Variants in DEPTOR observed in about 807,000 individuals in gnomAD.
The protein encoded by DEPTOR is DEP domain-containing mTOR-interacting protein.
Under a neutral mutation model 41.6 loss-of-function variants are expected in DEPTOR, and 41 were observed. The ratio of observed to expected loss-of-function variants is 0.98; its 90% CI spans 0.77 to 1.28. DEPTOR has a LOEUF of 1.28. Among genes scored for constraint, DEPTOR ranks in the 50% most tolerant of loss-of-function variants. The pLI is 0.00. For missense variants in DEPTOR, 514 were observed against 527.9 expected, an observed-to-expected ratio of 0.97 and a Z score of 0.26; for synonymous variants, 195 against 192.3, an observed-to-expected ratio of 1.01 and a Z score of -0.12.
At chr8:119,918,430 T>G (rs1827842270) in intron 1 of DEPTOR, among the ~76,000 whole-genome samples, 1 of 150,494 alleles carries the variant, frequency 6.6e-6, no homozygotes. Flanking sequence ...ACATTTGGCA[T>G]GGACCACCTT....
intron 1 of DEPTOR, among the ~76,000 whole-genome samples, chr8:119,877,267 T>C (rs1056845509): frequency 1.3e-5 from 2 of 152,252 alleles, no homozygotes; most frequent in African/African-American, 4.8e-5. Context: ...TCAACTGTTT[T>C]GGCACTGTAA....
At chr8:120,005,364 A>G (rs1812417106) in intron 6 of DEPTOR, among the ~76,000 whole-genome samples, 1 of 152,244 alleles carries the variant, frequency 6.6e-6, no homozygotes, top group African/African-American at 2.4e-5. Context: ...AGGTGATAAG[A>G]TCAGCAACCT....
At position 119,895,693 on chromosome 8, in the gene DEPTOR, G is replaced by A. The variant is rs141307726; in HGVS notation, c.122+21725G>A. On this transcript the variant is annotated intron_variant, in intron 1 of 8. Transcript: ENST00000286234. ...CACCCACAGCCTAGCAGATCAAGCT[G>A]AGCCTCTGAGGTCACATCCACCAAT... 3.0e-3 allele frequency among the ~76,000 whole-genome samples: 463 copies of A among 152,284 alleles called. 3 individuals are homozygous for A. Among genetic ancestry groups the A allele is most frequent in the Middle Eastern group, 0.017 (5 of 294 alleles).
chr8:119,928,341 G>T (rs1364347240), intron 1 of DEPTOR, 59 bp from the exon 2 acceptor site: 5 of 1,549,398 alleles, frequency 3.2e-6, no homozygotes, highest in Non-Finnish European at 4.4e-6. Context: ...GTCTGGGATT[G>T]GTTTAATAAT....
At chr8:119,935,999 GTTTT>G (rs67211224) in intron 3 of DEPTOR, among the ~76,000 whole-genome samples, 3 of 123,868 alleles carry the variant, frequency 2.4e-5, no homozygotes, top group Non-Finnish European at 4.9e-5. Flanking sequence ...TAGTCTAGTT[GTTTT>G]TTTTTTTTTT....
chr8:120,049,596 T>C lies in DEPTOR; in HGVS notation c.1122T>C (p.Ser374=), dbSNP rs1241065017. ...AGMKVCQFVV[S]VNGLNVLHVD... ...TTTAGGTCTGTCAGTTTGTCGTCTCTGTCAACGGGCTCAATGTCCTGCATG... is the reference window on the plus strand; with the variant it reads ...TTTAGGTCTGTCAGTTTGTCGTCTCCGTCAACGGGCTCAATGTCCTGCATG... The change falls in exon 9 of 9, where the codon TCT becomes TCC. Residue 374 remains serine, a synonymous_variant. Transcript: ENST00000286234. 6.2e-7 allele frequency: 1 copy of C among 1,613,822 alleles called. No homozygotes were observed. The highest frequency in any genetic ancestry group is 8.5e-7 in the Non-Finnish European group (1 of 1,179,796).
At chr8:119,942,472 C>G (rs1436581505) in intron 3 of DEPTOR, among the ~76,000 whole-genome samples, 1 of 152,162 alleles carries the variant, frequency 6.6e-6, no homozygotes, top group Non-Finnish European at 1.5e-5. Flanking sequence ...TCCCAAAGTG[C>G]TGGGATTACA....
intron 4 of DEPTOR, among the ~76,000 whole-genome samples, chr8:119,999,102 A>G (rs1388043616): frequency 6.6e-6 from 1 of 152,036 alleles, no homozygotes; most frequent in East Asian, 1.9e-4. Flanking sequence ...CGTCTCTACT[A>G]AAAATACAAA....
At chr8:120,036,596 G>A (rs1812982524) in intron 8 of DEPTOR, among the ~76,000 whole-genome samples, 1 of 151,990 alleles carries the variant, frequency 6.6e-6, no homozygotes, top group South Asian at 2.1e-4. Context: ...AGGTCTGTGT[G>A]CACTAGACAC....
chr8:119,972,606 GA>G lies in DEPTOR; in HGVS notation c.604+7197del, dbSNP rs373039213. On this transcript the variant is annotated intron_variant, in intron 4 of 8. Transcript: ENST00000286234. ...CCACTGCACTCCAGCCTTTGTGACAGAGTAAGACTCTGTCTCAAAAAAAAAA... is the reference window on the plus strand; with the variant it reads ...CCACTGCACTCCAGCCTTTGTGACAGGTAAGACTCTGTCTCAAAAAAAAAA... Among the ~76,000 whole-genome samples, 333 of 147,214 alleles carry G rather than the reference GA, an allele frequency of 2.3e-3. 1 individual carries two copies. The highest frequency in any genetic ancestry group is 7.7e-3 in the African/African-American group (306 of 39,818).
intron 1 of DEPTOR, among the ~76,000 whole-genome samples, chr8:119,903,044 GCA>G (rs1213925125): frequency 1.3e-5 from 2 of 152,176 alleles, no homozygotes; most frequent in Non-Finnish European, 2.9e-5. Context: ...CCAGTGCCTG[GCA>G]CAGTGCCCAA....
intron 1 of DEPTOR, among the ~76,000 whole-genome samples, chr8:119,907,448 G>A (rs1334727022): frequency 6.6e-6 from 1 of 152,154 alleles, no homozygotes; most frequent in Non-Finnish European, 1.5e-5. Flanking sequence ...TGTGGGAACA[G>A]CTTTTGCTTG....
At chr8:119,906,361 C>T (rs1224405359) in intron 1 of DEPTOR, among the ~76,000 whole-genome samples, 8 of 151,092 alleles carry the variant, frequency 5.3e-5, no homozygotes, top group African/African-American at 1.7e-4. Context: ...GAGGCTGAGG[C>T]GGGAAGATCA....
intron 3 of DEPTOR, among the ~76,000 whole-genome samples, chr8:119,960,270 T>C (rs572977757): frequency 6.6e-5 from 10 of 152,142 alleles, no homozygotes; most frequent in African/African-American, 2.2e-4. Context: ...TATACATTCA[T>C]ATACTTAGAA....
chr8:119,890,447 C>T (rs1208940737), intron 1 of DEPTOR, among the ~76,000 whole-genome samples: 8 of 152,014 alleles, frequency 5.3e-5, no homozygotes, highest in East Asian at 3.9e-4. Flanking sequence ...GGATTACATG[C>T]GCCCGCCACC....
chr8:120,038,549 C>T (rs1185264300), intron 8 of DEPTOR, among the ~76,000 whole-genome samples: 2 of 144,358 alleles, frequency 1.4e-5, no homozygotes, highest in African/African-American at 5.1e-5. Context: ...GCCAAGATCA[C>T]ACCACTGCAC....
At position 119,930,022 on chromosome 8, in the gene DEPTOR, C is replaced by T. The variant is rs980907167; in HGVS notation, c.425+84C>T. On this transcript the variant is annotated intron_variant, in intron 3 of 8. Coordinates refer to ENST00000286234, the MANE Select transcript of DEPTOR (RefSeq NM_022783.4). ...GCCAGTCTCATTATGTTGATTTCAG[C>T]GTGGCTTTTCTATGTGGGCTGGTTA... 40 of 1,465,730 alleles carry T rather than the reference C, an allele frequency of 2.7e-5. No individual in the cohort carries two copies. In the East Asian group the frequency reaches 4.5e-4, roughly 16 times the overall value. 90.8% of individuals were successfully genotyped at this position (1,465,730 alleles called of 1,614,324 possible). A position where few individuals can be genotyped will look rare whatever the true frequency, so the allele number is the denominator to read the frequency against.
intron 5 of DEPTOR, 89 bp from the exon 6 acceptor site, chr8:120,002,888 C>T (rs1339922897): frequency 2.8e-6 from 4 of 1,422,926 alleles, no homozygotes; most frequent in South Asian, 3.2e-5. Context: ...TTCTCCTGGC[C>T]CCTCTGGACC....
At chr8:119,961,215 G>C (rs116890840) in intron 3 of DEPTOR, among the ~76,000 whole-genome samples, 3 of 151,424 alleles carry the variant, frequency 2.0e-5, no homozygotes, top group Non-Finnish European at 2.9e-5. Context: ...TTGGGAGTTC[G>C]AGACCAGCCT....
Sources: gnomAD v4.1 joint callset for allele counts (sites outside exome capture counted in the v4.1 genomes callset) on GRCh38, gnomAD v4.1.1 for gene constraint, MANE v1.5 for transcripts, NCBI Gene and HGNC (gene_info 2026-07-23, HGNC 2026-07-21) for gene names.